Variants in NAV3 observed in about 807,000 individuals in gnomAD.
NAV3 encodes neuron navigator 3.
Under a neutral mutation model 244.7 loss-of-function variants are expected in NAV3, and 87 were observed. The observed-to-expected ratio is 0.36, with a 90% CI of 0.30 to 0.42. NAV3 has a LOEUF of 0.42. Ranked by LOEUF, NAV3 falls within the 20% of genes least tolerant of loss-of-function variation. The pLI is 1.00. For missense variants in NAV3, 2,663 were observed against 2,893.3 expected, an observed-to-expected ratio of 0.92 and a Z score of 1.83; for synonymous variants, 1,126 against 1,042.2, an observed-to-expected ratio of 1.08 and a Z score of -1.55.
At chr12:77,733,645 A>C (rs1222563797) in intron 2 of NAV3, among the ~76,000 whole-genome samples, 1 of 151,988 alleles carries the variant, frequency 6.6e-6, no homozygotes, top group Non-Finnish European at 1.5e-5. Flanking sequence ...AGTTACACTT[A>C]AATGGTGGCT....
At chr12:77,610,278 A>C (rs967187722) in intron 2 of NAV3, among the ~76,000 whole-genome samples, 2 of 152,086 alleles carry the variant, frequency 1.3e-5, no homozygotes, top group Non-Finnish European at 2.9e-5. Flanking sequence ...TCATGTAGAA[A>C]ACATTTGTCG....
At chr12:78,035,720 T>A (rs920489794) in intron 9 of NAV3, among the ~76,000 whole-genome samples, 1 of 152,212 alleles carries the variant, frequency 6.6e-6, no homozygotes, top group African/African-American at 2.4e-5. Flanking sequence ...ATTTTTTTCT[T>A]TCTATTTCCT....
At chr12:77,834,744 T>A (rs1241703662) in intron 1 of NAV3, among the ~76,000 whole-genome samples, 1 of 152,228 alleles carries the variant, frequency 6.6e-6, no homozygotes, top group Non-Finnish European at 1.5e-5. Flanking sequence ...AGCAAAGTTG[T>A]ATTTATAGGG....
At chr12:77,875,923 C>T (rs998678433) in intron 1 of NAV3, among the ~76,000 whole-genome samples, 1 of 151,966 alleles carries the variant, frequency 6.6e-6, no homozygotes, top group South Asian at 2.1e-4. Context: ...AAGAAAAATA[C>T]AGCATTTTCA....
intron 34 of NAV3, among the ~76,000 whole-genome samples, chr12:78,194,736 C>T (rs1264127182): frequency 6.6e-6 from 1 of 152,096 alleles, no homozygotes; most frequent in African/African-American, 2.4e-5. Context: ...CATTTCCTTT[C>T]ACAAAACACA....
intron 1 of NAV3, among the ~76,000 whole-genome samples, chr12:77,894,411 G>A (rs142047522): frequency 1.2e-4 from 18 of 152,170 alleles, no homozygotes; most frequent in African/African-American, 4.3e-4. Context: ...TTTGCAAAAT[G>A]TAATAATTTA....
At chr12:78,171,204 G>C (rs1451449891) in intron 24 of NAV3, among the ~76,000 whole-genome samples, 1 of 151,668 alleles carries the variant, frequency 6.6e-6, no homozygotes, top group Non-Finnish European at 1.5e-5. Context: ...TGATTTATGT[G>C]ATGCATGGAA....
intron 2 of NAV3, among the ~76,000 whole-genome samples, chr12:77,665,058 G>A (rs1453647483): frequency 6.6e-6 from 1 of 152,152 alleles, no homozygotes; most frequent in Non-Finnish European, 1.5e-5. Context: ...TGAAAGTTAT[G>A]TAAACAAGTT....
intron 9 of NAV3, among the ~76,000 whole-genome samples, chr12:78,042,053 A>G (rs143891100): frequency 0.018 from 2,672 of 151,856 alleles, 29 homozygotes; most frequent in Middle Eastern, 0.037. Context: ...TATCCATTCC[A>G]ATTCCCTCCT....
At chr12:77,869,027 G>A (rs563445122) in intron 1 of NAV3, among the ~76,000 whole-genome samples, 2 of 150,032 alleles carry the variant, frequency 1.3e-5, no homozygotes, top group East Asian at 1.9e-4. Context: ...AACCGAGATC[G>A]AGGTAAAAAA....
intron 12 of NAV3, among the ~76,000 whole-genome samples, chr12:78,099,863 G>T (rs985801387): frequency 6.6e-6 from 1 of 151,842 alleles, no homozygotes; most frequent in South Asian, 2.1e-4. Flanking sequence ...GTGCCTGACT[G>T]CATAAATCCC....
intron 8 of NAV3, among the ~76,000 whole-genome samples, chr12:78,015,759 C>T (rs1335576411): frequency 6.6e-6 from 1 of 152,076 alleles, no homozygotes; most frequent in African/African-American, 2.4e-5. Context: ...TTTTAGCATC[C>T]GTTGAGCTTT....
At chr12:78,069,000 T>C (rs986151365) in intron 12 of NAV3, among the ~76,000 whole-genome samples, 4 of 151,734 alleles carry the variant, frequency 2.6e-5, no homozygotes, top group Non-Finnish European at 5.9e-5. Context: ...ATAGGCTAAC[T>C]AATGGGTTCA....
Position 78,205,108 on chromosome 12 carries a change from T to C in NAV3, c.7008T>C (p.Ile2336=). ...STKEATTSKH[I]PQTDTEGDPL... ...AGGAAGCCACAACCTCAAAGCACAT[T>C]CCGCAAACTGACACAGAAGGAGATC... The change falls in exon 39 of 40, where the codon ATT becomes ATC. Residue 2336 remains isoleucine, a synonymous_variant. Transcript: ENST00000397909. 6.2e-7 allele frequency: 1 copy of C among 1,613,364 alleles called. No homozygotes were observed. Among genetic ancestry groups the C allele is most frequent in the Non-Finnish European group, 8.5e-7 (1 of 1,179,674 alleles).
intron 1 of NAV3, among the ~76,000 whole-genome samples, chr12:77,903,629 C>T (rs904151871): frequency 1.3e-5 from 2 of 152,050 alleles, no homozygotes; most frequent in African/African-American, 4.8e-5. Flanking sequence ...GCAACAAAAG[C>T]CAAAATTGAC....
chr12:77,775,588 T>C (rs563313032), intron 2 of NAV3, among the ~76,000 whole-genome samples: 1 of 152,324 alleles, frequency 6.6e-6, no homozygotes, highest in South Asian at 2.1e-4. Flanking sequence ...AGCCTGTTAC[T>C]TTATCTTGTT....
In NAV3 at chr12:78,050,147, A is replaced by G. The variant is rs373419031; in HGVS notation, c.2132+46A>G. The G allele has an allele frequency of 2.3e-6, 3 of 1,312,572 alleles. No homozygotes were observed. In the African/African-American group the frequency reaches 4.5e-5, roughly 20 times the overall value. 81.3% of individuals were successfully genotyped at this position (1,312,572 alleles called of 1,614,324 possible). A position where few individuals can be genotyped will look rare whatever the true frequency, so the allele number is the denominator to read the frequency against. On this transcript the variant is annotated intron_variant, in intron 10 of 39. Transcript: ENST00000397909. ...TATTTGAGCCAATAAAGAAAAAATAATTACAAACAAACATTTAACTTTTCT... is the reference window on the plus strand; with the variant it reads ...TATTTGAGCCAATAAAGAAAAAATAGTTACAAACAAACATTTAACTTTTCT...
intron 2 of NAV3, among the ~76,000 whole-genome samples, chr12:77,699,106 T>C (rs1330733471): frequency 6.6e-6 from 1 of 152,156 alleles, no homozygotes; most frequent in East Asian, 1.9e-4. Flanking sequence ...TTATTTGATA[T>C]ATTTCACTGG....
intron 1 of NAV3, among the ~76,000 whole-genome samples, chr12:77,879,018 G>T (rs930758943): frequency 6.6e-6 from 1 of 152,110 alleles, no homozygotes; most frequent in Admixed American, 6.6e-5. Context: ...GTCCCAGATG[G>T]TCATTTCTTT....
Sources: gnomAD v4.1 joint callset for allele counts (sites outside exome capture counted in the v4.1 genomes callset) on GRCh38, gnomAD v4.1.1 for gene constraint, MANE v1.5 for transcripts, NCBI Gene and HGNC (gene_info 2026-07-23, HGNC 2026-07-21) for gene names.